The following C17orf113 variants were observed in gnomAD, a reference collection of about 807,000 sequenced individuals.
C17orf113 encodes uncharacterized protein C17orf113.
A neutral mutation model predicts 11.6 loss-of-function variants in C17orf113; 5 were observed. That is an observed-to-expected ratio of 0.43 (90% CI 0.23 to 0.91). The LOEUF (loss-of-function observed/expected upper bound fraction) is 0.91. Ranked by LOEUF, C17orf113 falls within the 40% of genes least tolerant of loss-of-function variation. The pLI is 0.26. For synonymous variants in C17orf113, 327 were observed against 390.6 expected (o/e 0.84, Z 1.92); for missense variants, 714 against 841.3 (o/e 0.85, Z 1.87).
intron 1 of C17orf113, among the ~76,000 whole-genome samples, chr17:42,046,031 T>C (rs2053153256): frequency 6.6e-6 from 1 of 152,312 alleles, no homozygotes; most frequent in African/African-American, 2.4e-5. Context: ...CCTCTTTCCT[T>C]ACTAATTCCC....
intron 1 of C17orf113, among the ~76,000 whole-genome samples, chr17:42,044,140 TAAAAAAAA>T (rs35206698): frequency 4.8e-5 from 4 of 83,596 alleles, no homozygotes; most frequent in African/African-American, 1.9e-4. Flanking sequence ...ACCCCATCTC[TAAAAAAAA>T]AAAAAAAAAA....
intron 1 of C17orf113, among the ~76,000 whole-genome samples, chr17:42,049,140 C>G (rs1286541574): frequency 6.6e-6 from 1 of 152,082 alleles, no homozygotes; most frequent in African/African-American, 2.4e-5. Flanking sequence ...TCCCATCCCC[C>G]GGGTCCTTTG....
chr17:42,039,913 A>G lies in C17orf113; in HGVS notation c.1820T>C (p.Leu607Pro). The stretch of plus-strand genomic sequence containing the variant: ...GTCCAGCAGGCCAGCGCCCGCGGGC[A>G]GCGCCAAAGCCAAGGCGGCTAGGGC... ...FAALAALALA[L>P]PAGAGLLDKV... The change falls in exon 3 of 3, where the codon CTG becomes CCG. Residue 607 changes from leucine to proline, a missense_variant. Around this residue, in one of 3 missense-constraint regions of C17orf113, gnomAD observed 194 missense variants for 197.2 expected, o/e 0.98. Coordinates refer to ENST00000587304, the MANE Select transcript of C17orf113 (RefSeq NM_001358661.2). 1 of 1,231,118 alleles carries G rather than the reference A, an allele frequency of 8.1e-7. No homozygotes were observed. The highest frequency in any genetic ancestry group is 1.6e-5 in the African/African-American group (1 of 64,486). 76.3% of individuals were successfully genotyped at this position (1,231,118 alleles called of 1,614,324 possible).
At chr17:42,047,279 G>A (rs1185852165) in intron 1 of C17orf113, among the ~76,000 whole-genome samples, 1 of 152,018 alleles carries the variant, frequency 6.6e-6, no homozygotes, top group African/African-American at 2.4e-5. Context: ...TGATCCGCCC[G>A]CTTCAGCCTC....
intron 2 of C17orf113, among the ~76,000 whole-genome samples, 181 bp from the exon 3 acceptor site, chr17:42,041,370 G>A (rs1419114369): frequency 1.3e-5 from 2 of 152,070 alleles, no homozygotes; most frequent in African/African-American, 2.4e-5. Flanking sequence ...TCACCTCTCC[G>A]AGCCTCAGTT....
chr17:42,049,389 T>C (rs1421694425), intron 1 of C17orf113, among the ~76,000 whole-genome samples: 4 of 152,198 alleles, frequency 2.6e-5, no homozygotes, highest in African/African-American at 9.7e-5. Context: ...GCACGTTCCC[T>C]GAGGGCAGGA....
chr17:42,041,284 G>C (rs759444449), intron 2 of C17orf113, 95 bp from the exon 3 acceptor site: 3 of 1,091,136 alleles, frequency 2.7e-6, no homozygotes, highest in Non-Finnish European at 3.5e-6. Context: ...AAGAGCCCAG[G>C]CCTTGAGGTT....
At chr17:42,045,338 A>C (rs868940383) in intron 1 of C17orf113, among the ~76,000 whole-genome samples, 36 of 152,246 alleles carry the variant, frequency 2.4e-4, no homozygotes, top group African/African-American at 8.7e-4. Context: ...GGCGTGCGCC[A>C]CCGCGCCTGG....
chr17:42,039,549 G>C lies in C17orf113; in HGVS notation c.*156C>G. 1 of 612,914 alleles carries C rather than the reference G, an allele frequency of 1.6e-6. No homozygotes were observed. The highest frequency in any genetic ancestry group is 2.4e-6 in the Non-Finnish European group (1 of 423,184). 38.0% of individuals were successfully genotyped at this position (612,914 alleles called of 1,614,324 possible). A position where few individuals can be genotyped will look rare whatever the true frequency, so the allele number is the denominator to read the frequency against. On this transcript the variant is annotated 3_prime_UTR_variant, in exon 3 of 3. Transcript: ENST00000587304. Reference sequence around the variant, plus strand: ...CCTCCACAGCCCACAGGGTGGGGGGGGTTGGTGGGAAGCTCCAGAAGGGCG... The same window carrying C: ...CCTCCACAGCCCACAGGGTGGGGGGCGTTGGTGGGAAGCTCCAGAAGGGCG...
chr17:42,039,914 G>A lies in C17orf113; in HGVS notation c.1819C>T (p.Leu607=), dbSNP rs948228773. ...FAALAALALA[L]PAGAGLLDKV... ...TCCAGCAGGCCAGCGCCCGCGGGCAGCGCCAAAGCCAAGGCGGCTAGGGCG... is the reference window on the plus strand; with the variant it reads ...TCCAGCAGGCCAGCGCCCGCGGGCAACGCCAAAGCCAAGGCGGCTAGGGCG... Residue 607 remains leucine (L), a synonymous_variant, in exon 3 of 3, where the codon CTG becomes TTG. Coordinates refer to ENST00000587304, the MANE Select transcript of C17orf113 (RefSeq NM_001358661.2). The A allele has an allele frequency of 6.5e-6, 8 of 1,231,154 alleles. No individual in the cohort carries two copies. Among genetic ancestry groups the A allele is most frequent in the African/African-American group, 4.7e-5 (3 of 64,394 alleles). The allele number at this position is 1,231,154 out of a possible 1,614,324, so 76.3% of individuals were successfully genotyped here.
intron 1 of C17orf113, among the ~76,000 whole-genome samples, chr17:42,044,918 CTTTT>C (rs71157603): frequency 1.5e-5 from 2 of 132,598 alleles, no homozygotes; most frequent in South Asian, 2.4e-4. Flanking sequence ...CCAACTCTAC[CTTTT>C]TTTTTTTTTT....
rs1395210471 is a variant in C17orf113 at position 42,040,576 on chromosome 17, C to T, written c.1157G>A (p.Gly386Glu). 3 of 1,232,628 alleles carry T rather than the reference C, an allele frequency of 2.4e-6. No homozygotes were observed. Among genetic ancestry groups the T allele is most frequent in the Admixed American group, 8.4e-5 (2 of 23,712 alleles). The allele number at this position is 1,232,628 out of a possible 1,614,324, so 76.4% of individuals were successfully genotyped here. ...CTGGCGCAGGGCCAGGGCCAGTGACCCCGCCACAGGTGAGGCAAGGGCTGC... is the reference window on the plus strand; with the variant it reads ...CTGGCGCAGGGCCAGGGCCAGTGACTCCGCCACAGGTGAGGCAAGGGCTGC... The part of the protein sequence containing the change: ...EAAALASPVA[G>E]SLALALRQFT... The change falls in exon 3 of 3, where the codon GGG (glycine) becomes GAG (glutamate). Residue 386 changes from glycine (G) to glutamate (E), a missense_variant. Coordinates refer to ENST00000587304, the MANE Select transcript of C17orf113 (RefSeq NM_001358661.2).
At chr17:42,042,327 G>T (rs1193641323) in intron 2 of C17orf113, among the ~76,000 whole-genome samples, 3 of 152,122 alleles carry the variant, frequency 2.0e-5, no homozygotes, top group Non-Finnish European at 4.4e-5. Flanking sequence ...TTCGAAACTG[G>T]CCTGGCCAAC....
At chr17:42,045,433 T>G (rs1465608636) in intron 1 of C17orf113, among the ~76,000 whole-genome samples, 1 of 152,264 alleles carries the variant, frequency 6.6e-6, no homozygotes, top group African/African-American at 2.4e-5. Context: ...GAATGTGAAC[T>G]GAGGCCCTGT....
At chr17:42,044,023 G>C (rs1446698229) in intron 1 of C17orf113, among the ~76,000 whole-genome samples, 1 of 150,576 alleles carries the variant, frequency 6.6e-6, no homozygotes, top group Non-Finnish European at 1.5e-5. Flanking sequence ...TATTTCATCA[G>C]AAGGAAATCA....
At chr17:42,043,617 G>C in intron 1 of C17orf113, 54 bp from the exon 2 acceptor site, 1 of 353,294 alleles carries the variant, frequency 2.8e-6, no homozygotes, top group East Asian at 4.2e-5. Context: ...GGTAGGGGTG[G>C]TTTAGGGTGG....
chr17:42,043,171 T>G lies in C17orf113; in HGVS notation c.206A>C (p.Asp69Ala). 1 of 1,232,222 alleles carries G rather than the reference T, an allele frequency of 8.1e-7. No homozygotes were observed. Among genetic ancestry groups the G allele is most frequent in the Non-Finnish European group, 1.0e-6 (1 of 988,002 alleles). 76.3% of individuals were successfully genotyped at this position (1,232,222 alleles called of 1,614,324 possible). The change falls in exon 2 of 3, where the codon GAC becomes GCC. Residue 69 changes from aspartate to alanine, a missense_variant. This residue lies in a region of C17orf113 where 516 missense variants were observed against 626.6 expected (regional missense o/e 0.82). Coordinates refer to ENST00000587304, the MANE Select transcript of C17orf113 (RefSeq NM_001358661.2). The stretch of plus-strand genomic sequence containing the variant: ...CAGCAGGGCGTGGCGCTGGAAGTTG[T>G]CTGTGCCCACAGTGAAGGCGTTTTC... ...KAENAFTVGT[D>A]NFQRHALLRH...
Position 42,039,708 on chromosome 17 carries a change from G to A in C17orf113, c.2025C>T (p.Thr675=). 2 of 1,232,534 alleles carry A rather than the reference G, an allele frequency of 1.6e-6. No homozygotes were observed. Among genetic ancestry groups the A allele is most frequent in the Non-Finnish European group, 2.0e-6 (2 of 988,278 alleles). The allele number at this position is 1,232,534 out of a possible 1,614,324, so 76.3% of individuals were successfully genotyped here. The part of the protein sequence containing the change: ...WGEGFLGSQL[T] Reference sequence around the variant, plus strand: ...GGCCGAGGGAAGGAGGCCACCCTCAGGTGAGCTGCGACCCCAGGAAGCCCT... The same window carrying A: ...GGCCGAGGGAAGGAGGCCACCCTCAAGTGAGCTGCGACCCCAGGAAGCCCT... The change falls in exon 3 of 3, where the codon ACC becomes ACT. Residue 675 remains threonine (T), a synonymous_variant. Coordinates refer to ENST00000587304, the MANE Select transcript of C17orf113 (RefSeq NM_001358661.2).
intron 2 of C17orf113, among the ~76,000 whole-genome samples, chr17:42,041,922 A>C (rs1567987104): frequency 6.6e-6 from 1 of 152,222 alleles, no homozygotes; most frequent in Non-Finnish European, 1.5e-5. Context: ...ACTCCAGCAC[A>C]TCCTGCTCTG....
Sources: gnomAD v4.1 joint callset for allele counts (sites outside exome capture counted in the v4.1 genomes callset) on GRCh38, gnomAD v4.1.1 for gene constraint, gnomAD v4.1.1 regional missense constraint, MANE v1.5 for transcripts, NCBI Gene and HGNC (gene_info 2026-07-23, HGNC 2026-07-21) for gene names.